HS6ST3: variants seen among roughly 807,000 people sequenced by gnomAD.
HS6ST3 encodes the protein heparan-sulfate 6-O-sulfotransferase 3.
A neutral mutation model predicts 36.7 loss-of-function variants in HS6ST3; 12 were observed. That is an observed-to-expected ratio of 0.33 (90% CI 0.21 to 0.53). The LOEUF is 0.53. Among genes scored for constraint, HS6ST3 ranks in the 20% least tolerant of loss-of-function variants. The pLI is 0.95. For synonymous variants in HS6ST3, 240 were observed against 257.5 expected (o/e 0.93, Z 0.65); for missense variants, 584 against 640.9 (o/e 0.91, Z 0.96).
chr13:96,763,110 G>A (rs896174133), intron 1 of HS6ST3, among the ~76,000 whole-genome samples: 3 of 152,094 alleles, frequency 2.0e-5, no homozygotes, highest in Non-Finnish European at 4.4e-5. Flanking sequence ...TAAAATCTGA[G>A]TCAGGAAGAG....
At chr13:96,827,293 G>A (rs972349934) in intron 1 of HS6ST3, among the ~76,000 whole-genome samples, 54 of 152,178 alleles carry the variant, frequency 3.5e-4, no homozygotes, top group Non-Finnish European at 4.0e-4. Flanking sequence ...GAAGGTGGGG[G>A]CATAGGAGTT....
intron 1 of HS6ST3, among the ~76,000 whole-genome samples, chr13:96,699,597 G>A (rs1875229921): frequency 6.6e-6 from 1 of 152,162 alleles, no homozygotes; most frequent in South Asian, 2.1e-4. Context: ...GAAACAACAG[G>A]TGCTGGAGAG....
intron 1 of HS6ST3, among the ~76,000 whole-genome samples, chr13:96,815,494 A>C (rs1284820184): frequency 1.3e-5 from 2 of 152,136 alleles, no homozygotes; most frequent in African/African-American, 4.8e-5. Context: ...AACATCTCTC[A>C]GTGGGAGAAC....
intron 1 of HS6ST3, among the ~76,000 whole-genome samples, chr13:96,584,756 GAA>G (rs1224122986): frequency 2.6e-5 from 4 of 152,180 alleles, no homozygotes; most frequent in Non-Finnish European, 5.9e-5. Flanking sequence ...ACAGGCTACT[GAA>G]ACCTTTTATA....
chr13:96,214,514 T>A (rs1253752834), intron 1 of HS6ST3, among the ~76,000 whole-genome samples: 1 of 152,204 alleles, frequency 6.6e-6, no homozygotes, highest in Non-Finnish European at 1.5e-5. Context: ...TATTAGTCTC[T>A]AAGGGTAAGC....
intron 1 of HS6ST3, among the ~76,000 whole-genome samples, chr13:96,250,220 G>A (rs1485120599): frequency 6.6e-6 from 1 of 152,208 alleles, no homozygotes; most frequent in African/African-American, 2.4e-5. Context: ...TACTTCAGCA[G>A]AGGTAGTGTT....
chr13:96,598,502 C>T (rs1390769856), intron 1 of HS6ST3, among the ~76,000 whole-genome samples: 1 of 152,068 alleles, frequency 6.6e-6, no homozygotes, highest in African/African-American at 2.4e-5. Context: ...TATAACAGTG[C>T]TACTGATCTG....
At chr13:96,171,200 A>T (rs1225735145) in intron 1 of HS6ST3, among the ~76,000 whole-genome samples, 1 of 152,200 alleles carries the variant, frequency 6.6e-6, no homozygotes, top group Non-Finnish European at 1.5e-5. Context: ...CCTTAGAGAG[A>T]ATGGTTGAGA....
chr13:96,124,960 A>G (rs1382398420), intron 1 of HS6ST3, among the ~76,000 whole-genome samples: 1 of 152,208 alleles, frequency 6.6e-6, no homozygotes, highest in Admixed American at 6.5e-5. Context: ...ATTCTGCTGT[A>G]TCTAGAAAAG....
chr13:96,153,755 T>C (rs114698982), intron 1 of HS6ST3, among the ~76,000 whole-genome samples: 2,400 of 152,346 alleles, frequency 0.016, 55 homozygotes, highest in African/African-American at 0.055. Flanking sequence ...ACTTTAAAAA[T>C]GTAATCAGTG....
At position 96,325,819 on chromosome 13, in the gene HS6ST3, T is replaced by C. The variant is rs1028010619; in HGVS notation, c.707+234250T>C. Among the ~76,000 whole-genome samples the C allele has an allele frequency of 5.9e-5, 9 of 152,222 alleles. 1 individual carries two copies. The highest frequency in any genetic ancestry group is 5.9e-4 in the Admixed American group (9 of 15,282). Reference sequence around the variant, plus strand: ...AGAAAGTTTTTAAGATATTGTGAAATCCACTTAAATTGACAGACTTTAACG... The same window carrying C: ...AGAAAGTTTTTAAGATATTGTGAAACCCACTTAAATTGACAGACTTTAACG... On this transcript the variant is annotated intron_variant, in intron 1 of 1. Coordinates refer to ENST00000376705, the MANE Select transcript of HS6ST3 (RefSeq NM_153456.4).
intron 1 of HS6ST3, among the ~76,000 whole-genome samples, chr13:96,415,713 T>G (rs1412392883): frequency 6.6e-6 from 1 of 152,244 alleles, no homozygotes; most frequent in East Asian, 1.9e-4. Flanking sequence ...GTTTCATTTA[T>G]GCCACTTCCT....
chr13:96,136,862 T>C (rs1485974274), intron 1 of HS6ST3, among the ~76,000 whole-genome samples: 1 of 152,064 alleles, frequency 6.6e-6, no homozygotes, highest in African/African-American at 2.4e-5. Flanking sequence ...CTCCTCAGCA[T>C]CATCCTTGGT....
chr13:96,705,227 G>A lies in HS6ST3; in HGVS notation c.708-127263G>A, dbSNP rs745639807. Among the ~76,000 whole-genome samples the A allele has an allele frequency of 3.1e-4, 47 of 152,052 alleles. 1 individual carries two copies. The highest frequency in any genetic ancestry group is 1.5e-5 in the Non-Finnish European group (1 of 68,018). On this transcript the variant is annotated intron_variant, in intron 1 of 1. Transcript: ENST00000376705. ...ATAATGATTGGCATCCACCATTATT[G>A]TATCATCCATCATAGTTTCACTACC...
At chr13:96,610,716 T>C (rs2138988316) in intron 1 of HS6ST3, among the ~76,000 whole-genome samples, 1 of 152,288 alleles carries the variant, frequency 6.6e-6, no homozygotes, top group African/African-American at 2.4e-5. Flanking sequence ...TGAAATGTTC[T>C]ATACAATTGA....
At chr13:96,246,581 C>A (rs2054585801) in intron 1 of HS6ST3, among the ~76,000 whole-genome samples, 1 of 152,196 alleles carries the variant, frequency 6.6e-6, no homozygotes, top group Admixed American at 6.5e-5. Context: ...CAAATATAGA[C>A]TTGATTGAAA....
intron 1 of HS6ST3, among the ~76,000 whole-genome samples, chr13:96,748,430 C>T (rs182463111): frequency 6.6e-6 from 1 of 152,050 alleles, no homozygotes; most frequent in African/African-American, 2.4e-5. Flanking sequence ...AAGCCAGGAG[C>T]AAAAGTCCTA....
At chr13:96,765,756 A>G (rs1454692159) in intron 1 of HS6ST3, among the ~76,000 whole-genome samples, 1 of 152,154 alleles carries the variant, frequency 6.6e-6, no homozygotes, top group Non-Finnish European at 1.5e-5. Flanking sequence ...TACTAAATAT[A>G]GACTGAGTTT....
intron 1 of HS6ST3, among the ~76,000 whole-genome samples, chr13:96,752,496 G>A (rs1876725180): frequency 6.6e-6 from 1 of 152,036 alleles, no homozygotes; most frequent in African/African-American, 2.4e-5. Context: ...TGCCTATCTA[G>A]TGAATATAAA....
Sources: gnomAD v4.1 joint callset for allele counts (sites outside exome capture counted in the v4.1 genomes callset) on GRCh38, gnomAD v4.1.1 for gene constraint, MANE v1.5 for transcripts, NCBI Gene and HGNC (gene_info 2026-07-23, HGNC 2026-07-21) for gene names.